Variants in ZNF536 observed in about 807,000 individuals in gnomAD.
ZNF536 encodes zinc finger protein 536.
A neutral mutation model predicts 84.5 loss-of-function variants in ZNF536; 13 were observed. The observed-to-expected ratio is 0.15, with a 90% CI of 0.10 to 0.24. The LOEUF (loss-of-function observed/expected upper bound fraction) is 0.24, where lower values mean the gene tolerates loss of function less well. ZNF536 is among the 10% of genes least tolerant of loss of function. The pLI is 1.00. For missense variants in ZNF536, 1,536 were observed against 1,747.5 expected (o/e 0.88, Z 2.16); for synonymous variants, 811 against 742.5 (o/e 1.09, Z -1.50).
chr19:30,511,505 G>A (rs2055412793), intron 2 of ZNF536, among the ~76,000 whole-genome samples: 2 of 152,234 alleles, frequency 1.3e-5, no homozygotes, highest in Middle Eastern at 3.4e-3. Flanking sequence ...TAGTAAAAGA[G>A]GGGAAGGAAT....
intron 2 of ZNF536, among the ~76,000 whole-genome samples, chr19:30,325,416 T>C (rs1173491714): frequency 6.6e-6 from 1 of 152,156 alleles, no homozygotes; most frequent in Non-Finnish European, 1.5e-5. Context: ...TGCTCCCTTT[T>C]GGTGGTGGGC....
At chr19:30,459,554 T>C (rs546530078) in intron 2 of ZNF536, among the ~76,000 whole-genome samples, 2 of 152,198 alleles carry the variant, frequency 1.3e-5, no homozygotes, top group African/African-American at 4.8e-5. Flanking sequence ...TTTCACCATA[T>C]TGGCCAGGCT....
rs184861171 is a variant in ZNF536 at position 30,311,289 on chromosome 19, T to C, written c.-120+27148T>C. Among the ~76,000 whole-genome samples the C allele has an allele frequency of 5.3e-5, 8 of 152,308 alleles. No individual in the cohort carries two copies. The East Asian group carries it at 1.5e-3, about 29-fold the overall frequency. On this transcript the variant is annotated intron_variant, in intron 2 of 5. Transcript: ENST00000585628. The stretch of plus-strand genomic sequence containing the variant: ...TACTGAGGACTGGTTATAAGGGCCC[T>C]GCACCCCAAAAAGGCAGGTGCCCTT...
At chr19:30,423,285 T>G (rs2051062944) in intron 1 of ZNF536, among the ~76,000 whole-genome samples, 1 of 152,086 alleles carries the variant, frequency 6.6e-6, no homozygotes, top group Non-Finnish European at 1.5e-5. Flanking sequence ...CACCCATCTA[T>G]TCATCTATGT....
At chr19:30,492,823 T>C (rs1261775897) in intron 2 of ZNF536, among the ~76,000 whole-genome samples, 1 of 152,198 alleles carries the variant, frequency 6.6e-6, no homozygotes, top group Non-Finnish European at 1.5e-5. Context: ...CTAGCCAGTT[T>C]TGCTTCTGAC....
chr19:30,352,126 A>G (rs971284079), intron 2 of ZNF536, among the ~76,000 whole-genome samples: 1 of 152,196 alleles, frequency 6.6e-6, no homozygotes, highest in Non-Finnish European at 1.5e-5. Flanking sequence ...CCTGATAAAT[A>G]TAAGCTTTTA....
At chr19:30,629,963 T>C (rs931153034) in intron 1 of ZNF536, among the ~76,000 whole-genome samples, 1 of 152,196 alleles carries the variant, frequency 6.6e-6, no homozygotes, top group Non-Finnish European at 1.5e-5. Context: ...CACCCATTTG[T>C]GGGCAGCTCC....
chr19:30,623,546 C>G (rs2048566174), intron 1 of ZNF536, among the ~76,000 whole-genome samples: 1 of 152,232 alleles, frequency 6.6e-6, no homozygotes. Context: ...TGCTCAGGCC[C>G]AGCAGCCTCC....
At chr19:30,488,815 G>T (rs2145048366) in intron 2 of ZNF536, among the ~76,000 whole-genome samples, 1 of 152,328 alleles carries the variant, frequency 6.6e-6, no homozygotes, top group Non-Finnish European at 1.5e-5. Context: ...TGATGCTAAT[G>T]TGGTTTTTAG....
chr19:30,462,675 G>GGTGTGTGTTGTGTGGATAAGGAT (rs1568456239), intron 2 of ZNF536, among the ~76,000 whole-genome samples: 2 of 152,072 alleles, frequency 1.3e-5, no homozygotes, highest in African/African-American at 4.8e-5. Flanking sequence ...CATGGGATGG[G>GGTGTGTGTTGTGTGGATAAGGAT]GTGTGTGTTG....
intron 2 of ZNF536, among the ~76,000 whole-genome samples, chr19:30,306,311 G>C (rs544311415): frequency 6.6e-6 from 1 of 151,754 alleles, no homozygotes; most frequent in Non-Finnish European, 1.5e-5. Flanking sequence ...ACTCAGTAAG[G>C]CTCTTGTCTT....
At chr19:30,299,241 G>A (rs2046102284) in intron 2 of ZNF536, among the ~76,000 whole-genome samples, 1 of 152,158 alleles carries the variant, frequency 6.6e-6, no homozygotes, top group Admixed American at 6.5e-5. Context: ...AATGGCAACA[G>A]CTCATTTAAA....
intron 1 of ZNF536, among the ~76,000 whole-genome samples, chr19:30,587,100 CTT>C (rs1323732356): frequency 6.6e-6 from 1 of 152,140 alleles, no homozygotes; most frequent in Non-Finnish European, 1.5e-5. Flanking sequence ...GCTATGATAC[CTT>C]TTTCCTTCTA....
intron 1 of ZNF536, among the ~76,000 whole-genome samples, chr19:30,667,315 G>T (rs531531300): frequency 6.6e-6 from 1 of 152,312 alleles, no homozygotes; most frequent in South Asian, 2.1e-4. Context: ...GCAGAACAGG[G>T]GTGACTTGCA....
chr19:30,336,386 G>A (rs911771093), intron 2 of ZNF536, among the ~76,000 whole-genome samples: 4 of 152,196 alleles, frequency 2.6e-5, no homozygotes, highest in East Asian at 1.9e-4. Context: ...ACACCTCCAC[G>A]TGGAATGCAA....
At chr19:30,247,958 C>T (rs2024374631) in intron 1 of ZNF536, among the ~76,000 whole-genome samples, 1 of 152,230 alleles carries the variant, frequency 6.6e-6, no homozygotes, top group Non-Finnish European at 1.5e-5. Context: ...GCCACAATCA[C>T]AGAGGCAATT....
chr19:30,563,298 G>A (rs531376057), intron 1 of ZNF536, among the ~76,000 whole-genome samples: 1 of 152,280 alleles, frequency 6.6e-6, no homozygotes, highest in African/African-American at 2.4e-5. Flanking sequence ...ACATCTGGAG[G>A]TCTGTTGGGG....
chr19:30,442,980 C>G (rs921915383), intron 1 of ZNF536, among the ~76,000 whole-genome samples: 2 of 151,594 alleles, frequency 1.3e-5, no homozygotes, highest in African/African-American at 4.8e-5. Context: ...TTATTTTTTC[C>G]CAAAACATTA....
At chr19:30,656,229 G>A (rs2049908324) in intron 1 of ZNF536, among the ~76,000 whole-genome samples, 1 of 152,080 alleles carries the variant, frequency 6.6e-6, no homozygotes, top group Non-Finnish European at 1.5e-5. Flanking sequence ...TCTGAATTGG[G>A]AACTACTTAG....
Sources: gnomAD v4.1 joint callset for allele counts (sites outside exome capture counted in the v4.1 genomes callset) on GRCh38, gnomAD v4.1.1 for gene constraint, MANE v1.5 for transcripts, NCBI Gene and HGNC (gene_info 2026-07-23, HGNC 2026-07-21) for gene names.